Variants in ZNF441 observed in about 807,000 individuals in gnomAD.
ZNF441 encodes zinc finger protein 441.
In ZNF441, 25 loss-of-function variants were observed where a neutral mutation model predicts 64.5. The observed-to-expected ratio is 0.39, with a 90% confidence interval of 0.28 to 0.54. ZNF441 has a LOEUF of 0.54. Among genes scored for constraint, ZNF441 ranks in the 20% least tolerant of loss-of-function variants. The pLI is 0.70. For missense variants in ZNF441, 715 were observed against 843.3 expected (o/e 0.85, Z 1.88); for synonymous variants, 262 against 268.0 (o/e 0.98, Z 0.22).
intron 3 of ZNF441, among the ~76,000 whole-genome samples, chr19:11,779,399 G>T (rs918131479): frequency 4.0e-5 from 6 of 151,672 alleles, no homozygotes; most frequent in African/African-American, 1.5e-4. Flanking sequence ...ACTACAAGAG[G>T]TCAAGGTGGG....
Position 11,767,335 on chromosome 19 carries a change from C to G in ZNF441, c.3+139C>G, listed in dbSNP as rs1975278508. The G allele has an allele frequency of 7.3e-7, 1 of 1,378,216 alleles. No homozygotes were observed. The highest frequency in any genetic ancestry group is 2.5e-5 in the East Asian group (1 of 39,488). The allele number at this position is 1,378,216 out of a possible 1,614,324, so 85.4% of individuals were successfully genotyped here. On this transcript the variant is annotated intron_variant, in intron 1 of 3. Coordinates refer to ENST00000357901, the MANE Select transcript of ZNF441 (RefSeq NM_152355.3). This position sits in a 1 kb window ranked among gnomAD's most constrained non-coding sequence, Gnocchi z 5.1. ...TCGGCCCTCGGTTCCCTCGGCCGCA[C>G]GATGGGGCTGGGGCGGCAGCCGGGA...
intron 1 of ZNF441, among the ~76,000 whole-genome samples, chr19:11,777,266 G>A (rs1254946340): frequency 6.6e-6 from 1 of 151,884 alleles, no homozygotes; most frequent in Non-Finnish European, 1.5e-5. Context: ...CCTTCTTGCT[G>A]GTAACTCTCT....
At chr19:11,779,682 G>A (rs1344484558) in intron 3 of ZNF441, among the ~76,000 whole-genome samples, 2 of 151,776 alleles carry the variant, frequency 1.3e-5, no homozygotes, top group East Asian at 3.9e-4. Flanking sequence ...GGGAGGTAGA[G>A]CTTGCAGTGA....
intron 1 of ZNF441, among the ~76,000 whole-genome samples, chr19:11,775,485 A>G (rs1214119584): frequency 6.6e-6 from 1 of 151,744 alleles, no homozygotes; most frequent in Non-Finnish European, 1.5e-5. Context: ...GCCCACCACC[A>G]CGCCCGGCTA....
chr19:11,772,050 T>C (rs189547263), intron 1 of ZNF441, among the ~76,000 whole-genome samples: 1 of 152,348 alleles, frequency 6.6e-6, no homozygotes, highest in East Asian at 1.9e-4. Context: ...TAAAAGTCTC[T>C]GATATGCAGA....
chr19:11,769,289 G>T (rs1975294960), intron 1 of ZNF441, among the ~76,000 whole-genome samples: 1 of 152,180 alleles, frequency 6.6e-6, no homozygotes, highest in South Asian at 2.1e-4. Context: ...GAGATGCTGG[G>T]CAGAAGATGG....
Position 11,781,251 on chromosome 19 carries a change from A to T in ZNF441, c.1427A>T (p.Glu476Val). ...EKTHTGEKPY[E>V]CKQCGKALSH... The stretch of plus-strand genomic sequence containing the variant: ...ACTCACACTGGAGAAAAGCCCTATG[A>T]ATGTAAGCAGTGTGGAAAAGCACTT... Residue 476 changes from glutamate to valine, a missense_variant, in exon 4 of 4, where the codon GAA becomes GTA. By Grantham distance (121) the Glu-to-Val change is moderately radical (BLOSUM62 -2). Around this residue, in one of 2 missense-constraint regions of ZNF441, gnomAD observed 316 missense variants for 429.3 expected, o/e 0.74. Coordinates refer to ENST00000357901, the MANE Select transcript of ZNF441 (RefSeq NM_152355.3). The T allele has an allele frequency of 1.2e-6, 2 of 1,612,974 alleles. No homozygotes were observed. The highest frequency in any genetic ancestry group is 1.7e-6 in the Non-Finnish European group (2 of 1,179,764).
Position 11,780,241 on chromosome 19 carries a change from G to A in ZNF441, c.417G>A (p.Lys139=), listed in dbSNP as rs1235804553. The A allele has an allele frequency of 2.5e-6, 4 of 1,614,028 alleles. No homozygotes were observed. The South Asian group carries it at 4.4e-5, about 18-fold the overall frequency. Reference sequence around the variant, plus strand: ...GTGAGTATCAAGAATATGGAGAGAAGCCATATACACATACACAATGTGGGA... The same window carrying A: ...GTGAGTATCAAGAATATGGAGAGAAACCATATACACATACACAATGTGGGA... ...KPCEYQEYGE[K]PYTHTQCGTA... is the part of the protein sequence containing the mutation. Residue 139 remains lysine (K), a synonymous_variant, in exon 4 of 4, where the codon AAG becomes AAA. Coordinates refer to ENST00000357901, the MANE Select transcript of ZNF441 (RefSeq NM_152355.3).
At chr19:11,772,113 C>A (rs538718098) in intron 1 of ZNF441, among the ~76,000 whole-genome samples, 21 of 152,354 alleles carry the variant, frequency 1.4e-4, no homozygotes, top group African/African-American at 4.3e-4. Flanking sequence ...TCTGCCTTGG[C>A]TGCCAGGCAG....
intron 1 of ZNF441, among the ~76,000 whole-genome samples, chr19:11,776,844 T>C (rs1354313718): frequency 6.6e-6 from 1 of 151,930 alleles, no homozygotes; most frequent in Non-Finnish European, 1.5e-5. Flanking sequence ...GTTTCTCTCT[T>C]GTTGCCCAGG....
Position 11,767,251 on chromosome 19 carries a change from C to T in ZNF441, c.3+55C>T, listed in dbSNP as rs1026997822. On this transcript the variant is annotated intron_variant, in intron 1 of 3. Coordinates refer to ENST00000357901, the MANE Select transcript of ZNF441 (RefSeq NM_152355.3). The surrounding 1 kb of genome is among the most constrained non-coding windows in gnomAD (Gnocchi z 5.1). Reference sequence around the variant, plus strand: ...CGTGAGAGGAGAGACTGGTTGGAACCGGCCGGAACCGGCTGTGGTGGCACC... The same window carrying T: ...CGTGAGAGGAGAGACTGGTTGGAACTGGCCGGAACCGGCTGTGGTGGCACC... The T allele has an allele frequency of 2.6e-6, 4 of 1,552,184 alleles. No homozygotes were observed. The highest frequency in any genetic ancestry group is 3.5e-6 in the Non-Finnish European group (4 of 1,147,258).
chr19:11,780,748 TA>T lies in ZNF441; in HGVS notation c.927del (p.Lys309AsnfsTer47). 1.2e-6 allele frequency: 2 copies of T among 1,614,154 alleles called. No homozygotes were observed. Among genetic ancestry groups the T allele is most frequent in the Non-Finnish European group, 1.7e-6 (2 of 1,180,018 alleles). ...TAGTGCACACTGGAGATGGGCCTCATAAATGTAAGATATGTGGAAAAGGCTT... is the reference window on the plus strand; with the variant it reads ...TAGTGCACACTGGAGATGGGCCTCATAATGTAAGATATGTGGAAAAGGCTT... The part of the protein sequence containing the change: ...MIVHTGDGPH[K>X]CKICGKGFLS... On this transcript the variant is annotated frameshift_variant, in exon 4 of 4. Transcript: ENST00000357901. LOFTEE classifies it high-confidence loss of function.
intron 1 of ZNF441, among the ~76,000 whole-genome samples, chr19:11,776,466 A>G (rs1281462819): frequency 6.6e-6 from 1 of 152,154 alleles, no homozygotes; most frequent in Non-Finnish European, 1.5e-5. Flanking sequence ...TGTGACTTCT[A>G]TTAGATTTGG....
intron 1 of ZNF441, among the ~76,000 whole-genome samples, chr19:11,775,815 A>G (rs947338837): frequency 6.6e-6 from 1 of 151,416 alleles, no homozygotes; most frequent in African/African-American, 2.4e-5. Flanking sequence ...CTTAGTAGAG[A>G]CGGGGTTTCG....
In ZNF441 at chr19:11,767,298, C is replaced by G; in HGVS notation, c.3+102C>G. ...CACCAGGTCTTCCCCGCCGGCGACA[C>G]CCTGGCGCAGCTCGGCCCTCGGTTC... On this transcript the variant is annotated intron_variant, in intron 1 of 3. Transcript: ENST00000357901. This position sits in a 1 kb window ranked among gnomAD's most constrained non-coding sequence, Gnocchi z 5.1. 1.3e-6 allele frequency: 2 copies of G among 1,522,288 alleles called. No individual in the cohort carries two copies. The highest frequency in any genetic ancestry group is 8.9e-7 in the Non-Finnish European group (1 of 1,122,864). The allele number at this position is 1,522,288 out of a possible 1,614,324, so 94.3% of individuals were successfully genotyped here.
intron 1 of ZNF441, among the ~76,000 whole-genome samples, chr19:11,774,113 A>G (rs1371364057): frequency 6.6e-6 from 1 of 152,164 alleles, no homozygotes; most frequent in African/African-American, 2.4e-5. Context: ...TGAATTCACT[A>G]GAGTTGGTAG....
rs932240337 is a variant in ZNF441, at chr19:11,783,726, A to T, written c.*1820A>T. ...TGTGGGAGGTGAAAAACTTCACCTC[A>T]TGGAGATAGGGAATAGAATAAGTTA... On this transcript the variant is annotated 3_prime_UTR_variant, in exon 4 of 4. Transcript: ENST00000357901. 5 of 152,216 alleles carry T rather than the reference A, an allele frequency of 3.3e-5. No individual in the cohort carries two copies. Among genetic ancestry groups the T allele is most frequent in the Non-Finnish European group, 7.4e-5 (5 of 68,024 alleles). The allele number at this position is 152,216 out of a possible 1,614,324, so 9.4% of individuals were successfully genotyped here.
chr19:11,777,108 C>T (rs1298945148), intron 1 of ZNF441, among the ~76,000 whole-genome samples: 1 of 152,154 alleles, frequency 6.6e-6, no homozygotes, highest in African/African-American at 2.4e-5. Flanking sequence ...CTGTGCCTGG[C>T]CTCAGAGTGT....
At chr19:11,774,033 G>A (rs1483212012) in intron 1 of ZNF441, among the ~76,000 whole-genome samples, 2 of 151,874 alleles carry the variant, frequency 1.3e-5, no homozygotes, top group Non-Finnish European at 2.9e-5. Flanking sequence ...TTTTGACTGA[G>A]CATGTATATG....
Sources: allele counts gnomAD v4.1 joint callset (sites outside exome capture counted in the v4.1 genomes callset), GRCh38; gene constraint gnomAD v4.1.1; regional missense constraint gnomAD v4.1.1; non-coding constraint Gnocchi (gnomAD v3.1); transcripts MANE v1.5; gene names NCBI Gene and HGNC (gene_info 2026-07-23, HGNC 2026-07-21).